PRKCZ: variants seen among roughly 807,000 people sequenced by gnomAD.
The protein encoded by PRKCZ is protein kinase C zeta, also known as protein kinase C zeta type.
PRKCZ carries 33 observed loss-of-function variants against 79.5 expected under a neutral mutation model. The observed-to-expected ratio is 0.41, with a 90% confidence interval of 0.31 to 0.55. The LOEUF (loss-of-function observed/expected upper bound fraction) is 0.55. PRKCZ is among the 20% of genes least tolerant of loss of function. The pLI is 0.19. For missense variants in PRKCZ, 578 were observed against 813.5 expected (o/e 0.71, Z 3.52); for synonymous variants, 342 against 320.9 (o/e 1.07, Z -0.70).
At position 2,149,437 on chromosome 1, in the gene PRKCZ, C is replaced by G. The variant is rs1046502858; in HGVS notation, c.687+513C>G. 1.3e-5 allele frequency among the ~76,000 whole-genome samples: 2 copies of G among 152,226 alleles called. No individual in the cohort carries two copies. The highest frequency in any genetic ancestry group is 2.9e-5 in the Non-Finnish European group (2 of 68,032). On this transcript the variant is annotated intron_variant, in intron 8 of 17. Coordinates refer to ENST00000378567, the MANE Select transcript of PRKCZ (RefSeq NM_002744.6). The surrounding 1 kb of genome is among the most constrained non-coding windows in gnomAD (Gnocchi z 4.1). Reference sequence around the variant, plus strand: ...GAGCTTGCTGCGTTCTCAGCCTCTGCTCGTAAAACCCAGGGAAGGACTGCA... The same window carrying G: ...GAGCTTGCTGCGTTCTCAGCCTCTGGTCGTAAAACCCAGGGAAGGACTGCA...
At position 2,172,074 on chromosome 1, in the gene PRKCZ, T is replaced by C; in HGVS notation, c.1081T>C (p.Cys361Arg). The C allele has an allele frequency of 6.2e-7, 1 of 1,611,416 alleles. No individual in the cohort carries two copies. The highest frequency in any genetic ancestry group is 8.5e-7 in the Non-Finnish European group (1 of 1,178,796). Residue 361 changes from cysteine to arginine, a missense_variant, in exon 12 of 18, where the codon TGC (cysteine) becomes CGC (arginine). Cys to Arg is a radical substitution (Grantham distance 180). Transcript: ENST00000378567. This position sits in a 1 kb window ranked among gnomAD's most constrained non-coding sequence, Gnocchi z 7.8. ...CCCCAGGTTCTACGCGGCCGAGATC[T>C]GCATCGCCCTCAACTTCCTGCACGA... ...EHARFYAAEI[C>R]IALNFLHERG...
chr1:2,070,697 G>T (rs987331645), intron 4 of PRKCZ, among the ~76,000 whole-genome samples: 3 of 151,696 alleles, frequency 2.0e-5, no homozygotes, highest in African/African-American at 7.3e-5. Context: ...CATGGGGGCC[G>T]TGGAGGGGCC....
At chr1:2,063,962 C>T (rs1359735175) in intron 4 of PRKCZ, among the ~76,000 whole-genome samples, 2 of 151,456 alleles carry the variant, frequency 1.3e-5, no homozygotes, top group African/African-American at 4.9e-5. Flanking sequence ...TCTCCTGTCT[C>T]AGCCTCCTGA....
intron 4 of PRKCZ, among the ~76,000 whole-genome samples, chr1:2,109,495 T>A (rs988427622): frequency 2.7e-4 from 41 of 152,158 alleles, no homozygotes; most frequent in African/African-American, 9.7e-4. Context: ...ATATTAAACA[T>A]GTGGATTGCA....
chr1:2,109,667 C>T (rs1407343920), intron 4 of PRKCZ, among the ~76,000 whole-genome samples: 1 of 152,160 alleles, frequency 6.6e-6, no homozygotes, highest in African/African-American at 2.4e-5. Flanking sequence ...CAGCTCACGC[C>T]CACTGCAGTG....
chr1:2,093,375 C>A lies in PRKCZ; in HGVS notation c.334+33784C>A, dbSNP rs572553372. ...CTGGCCGCCCTGGGGCAGGTCAGACCGCCGGGGTGTGGAGTGGGGTGCTTG... is the reference window on the plus strand; with the variant it reads ...CTGGCCGCCCTGGGGCAGGTCAGACAGCCGGGGTGTGGAGTGGGGTGCTTG... On this transcript the variant is annotated intron_variant, in intron 4 of 17. Transcript: ENST00000378567. 3.7e-3 allele frequency among the ~76,000 whole-genome samples: 568 copies of A among 152,226 alleles called. 4 individuals carry two copies. In the Middle Eastern group the frequency reaches 0.058, roughly 15 times the overall value.
At position 2,146,802 on chromosome 1, in the gene PRKCZ, CA is replaced by C. The variant is rs564731660; in HGVS notation, c.634+698del. On this transcript the variant is annotated intron_variant, in intron 7 of 17. Transcript: ENST00000378567. ...CACTTAGTTCACACAGTGCCTCACG[CA>C]AAAGAGATGCCTCACAAACAACTGC... Among the ~76,000 whole-genome samples, 329 of 152,272 alleles carry C rather than the reference CA, an allele frequency of 2.2e-3. 3 individuals are homozygous for C. Among genetic ancestry groups the C allele is most frequent in the South Asian group, 0.011 (51 of 4,824 alleles).
At chr1:2,175,078 T>C (rs1685179317) in intron 15 of PRKCZ, 146 bp from the exon 16 acceptor site, 4 of 760,142 alleles carry the variant, frequency 5.3e-6, no homozygotes, top group Non-Finnish European at 8.7e-6. Flanking sequence ...GAAGGAACTT[T>C]CAATAAAGGA....
At chr1:2,122,541 G>A (rs62649438) in intron 4 of PRKCZ, among the ~76,000 whole-genome samples, 1 of 7,240 alleles carries the variant, frequency 1.4e-4, no homozygotes, top group Non-Finnish European at 2.3e-4. Flanking sequence ...TCATGGTGGT[G>A]GTTAGGGTCA....
intron 10 of PRKCZ, among the ~76,000 whole-genome samples, chr1:2,162,137 T>G (rs72925867): frequency 2.6e-5 from 4 of 152,266 alleles, no homozygotes; most frequent in African/African-American, 9.6e-5. Context: ...TGGGATTTTC[T>G]TTTCTTTTCT....
chr1:2,151,007 G>A (rs1008649832), intron 9 of PRKCZ, 29 bp downstream of exon 9: 15 of 1,610,382 alleles, frequency 9.3e-6, no homozygotes, highest in Non-Finnish European at 1.2e-5. Context: ...GGGGCCCGGG[G>A]GCCCGGGAAC....
chr1:2,183,005 G>C (rs1457548424), intron 16 of PRKCZ, among the ~76,000 whole-genome samples: 3 of 152,108 alleles, frequency 2.0e-5, no homozygotes, highest in African/African-American at 7.2e-5. Flanking sequence ...GAGGGCAGAT[G>C]ATCTGAGGTC....
chr1:2,114,612 A>G (rs1338702148), intron 4 of PRKCZ, among the ~76,000 whole-genome samples: 2 of 152,130 alleles, frequency 1.3e-5, no homozygotes, highest in African/African-American at 2.4e-5. Flanking sequence ...AGTCTCTACT[A>G]AAAATACAAA....
In PRKCZ at chr1:2,061,161, C is replaced by T. The variant is rs1272485277; in HGVS notation, c.334+1570C>T. On this transcript the variant is annotated intron_variant, in intron 4 of 17. Coordinates refer to ENST00000378567, the MANE Select transcript of PRKCZ (RefSeq NM_002744.6). ...GTGACAGGACTGTGCTCCTCTGTCC[C>T]ATGTGTGCTGAGACTGTGCACTCCC... 5.3e-5 allele frequency among the ~76,000 whole-genome samples: 8 copies of T among 152,312 alleles called. No homozygotes were observed. The East Asian group carries it at 5.8e-4, about 11-fold the overall frequency.
intron 4 of PRKCZ, among the ~76,000 whole-genome samples, chr1:2,096,650 A>G (rs572400171): frequency 6.6e-6 from 1 of 152,272 alleles, no homozygotes; most frequent in East Asian, 1.9e-4. Context: ...CATCACTGCC[A>G]TGGTCCGGAG....
rs774431064 is a variant in PRKCZ at position 2,169,424 on chromosome 1, T to G, written c.975-94T>G. The G allele has an allele frequency of 7.5e-6, 8 of 1,067,956 alleles. No individual in the cohort carries two copies. The South Asian group carries it at 1.1e-4, about 14-fold the overall frequency. The allele number at this position is 1,067,956 out of a possible 1,614,324, so 66.2% of individuals were successfully genotyped here. ...TGCAAGACTGAACCTGCGGGAGGGT[T>G]CGGGCCCACGAAGGCCGCTTCTGTG... On this transcript the variant is annotated intron_variant, in intron 10 of 17. Coordinates refer to ENST00000378567, the MANE Select transcript of PRKCZ (RefSeq NM_002744.6).
In PRKCZ at chr1:2,097,603, C is replaced by T. The variant is rs72914889; in HGVS notation, c.335-37659C>T. The stretch of plus-strand genomic sequence containing the variant: ...CTCAGCCCATGCACCCCGGAAGGCA[C>T]GCCTCGCACCCAGCTGTAGAGCCCC... On this transcript the variant is annotated intron_variant, in intron 4 of 17. Transcript: ENST00000378567. Among the ~76,000 whole-genome samples the T allele has an allele frequency of 1.4e-4, 22 of 152,062 alleles. No individual in the cohort carries two copies. In the South Asian group the frequency reaches 2.9e-3, roughly 20 times the overall value.
intron 7 of PRKCZ, among the ~76,000 whole-genome samples, chr1:2,146,473 A>C (rs921458396): frequency 9.9e-5 from 15 of 152,252 alleles, no homozygotes; most frequent in Non-Finnish European, 1.0e-4. Context: ...TGGCTGCTGC[A>C]CAGAGCTGAG....
chr1:2,065,659 A>G (rs1321304003), intron 4 of PRKCZ, among the ~76,000 whole-genome samples: 3 of 149,066 alleles, frequency 2.0e-5, no homozygotes, highest in South Asian at 2.2e-4. Flanking sequence ...TGCCTGGGCA[A>G]CAGAGCCAGA....
Sources: allele counts gnomAD v4.1 joint callset (sites outside exome capture counted in the v4.1 genomes callset), GRCh38; gene constraint gnomAD v4.1.1; non-coding constraint Gnocchi (gnomAD v3.1); transcripts MANE v1.5; gene names NCBI Gene and HGNC (gene_info 2026-07-23, HGNC 2026-07-21).